WDR47: variants seen among roughly 807,000 people sequenced by gnomAD.
The protein encoded by WDR47 is WD repeat-containing protein 47.
In WDR47, 32 loss-of-function variants were observed where a neutral mutation model predicts 97.2. That is an observed-to-expected ratio of 0.33 (90% confidence interval 0.25 to 0.44). The LOEUF is 0.44. WDR47 is among the 20% of genes least tolerant of loss of function. The pLI is 1.00. For synonymous variants in WDR47, 375 were observed against 373.5 expected, an observed-to-expected ratio of 1.00 and a Z score of -0.05; for missense variants, 782 against 1,102.3, an observed-to-expected ratio of 0.71 and a Z score of 4.11.
intron 9 of WDR47, 161 bp from the exon 10 acceptor site, chr1:108,986,841 T>C (rs1202554391): frequency 1.2e-5 from 7 of 601,758 alleles, no homozygotes; most frequent in Non-Finnish European, 1.9e-5. Context: ...TTTTCTTACT[T>C]TATTAAATCT....
At chr1:109,009,221 T>G (rs1660858362) in intron 5 of WDR47, among the ~76,000 whole-genome samples, 1 of 152,350 alleles carries the variant, frequency 6.6e-6, no homozygotes, top group East Asian at 1.9e-4. Context: ...TGAAATAAAT[T>G]TATTGAAGTC....
intron 1 of WDR47, 150 bp from the exon 2 acceptor site, chr1:109,023,671 C>G: frequency 1.4e-6 from 1 of 720,742 alleles, no homozygotes. Flanking sequence ...AAAACCAAGT[C>G]GTTCTTTAAT....
intron 5 of WDR47, 26 bp downstream of exon 5, chr1:109,010,890 C>T (rs780954528): frequency 6.3e-7 from 1 of 1,581,834 alleles, no homozygotes; most frequent in Non-Finnish European, 8.6e-7. Flanking sequence ...CCTAAGATTT[C>T]CTAATTTTTA....
At chr1:109,019,018 T>C (rs1661626116) in intron 2 of WDR47, among the ~76,000 whole-genome samples, 2 of 151,540 alleles carry the variant, frequency 1.3e-5, no homozygotes, top group African/African-American at 4.8e-5. Context: ...GCAGTGACCA[T>C]GATCATGCCA....
At chr1:109,014,772 G>A (rs919095643) in intron 3 of WDR47, among the ~76,000 whole-genome samples, 2 of 152,094 alleles carry the variant, frequency 1.3e-5, no homozygotes, top group Admixed American at 1.3e-4. Context: ...TTTCAGAGGG[G>A]AAGGGATAGC....
intron 3 of WDR47, 44 bp from the exon 4 acceptor site, chr1:109,013,969 T>C: frequency 7.1e-7 from 1 of 1,399,214 alleles, no homozygotes; most frequent in Non-Finnish European, 1.0e-6. Flanking sequence ...ATGTCTGATG[T>C]CAAATATACT....
rs1658839169 is a variant in WDR47, at chr1:108,986,599, C to A, written c.1849G>T (p.Ala617Ser). The change falls in exon 10 of 15, where the codon GCT becomes TCT. Residue 617 changes from alanine (A) to serine (S), a missense_variant. Ala to Ser is a moderately conservative substitution (Grantham distance 99). Transcript: ENST00000369962. ...GAACCAACAGCATATAAACCTCCAGCTGGATGAAAAGCCACTGCTCTAACA... is the reference window on the plus strand; with the variant it reads ...GAACCAACAGCATATAAACCTCCAGATGGATGAAAAGCCACTGCTCTAACA... ...QAVRAVAFHP[A>S]GGLYAVGSNS... The A allele has an allele frequency of 4.3e-6, 7 of 1,613,816 alleles. No homozygotes were observed. The highest frequency in any genetic ancestry group is 5.1e-6 in the Non-Finnish European group (6 of 1,179,826).
chr1:109,004,533 T>C (rs1660443975), intron 6 of WDR47, 59 bp downstream of exon 6: 4 of 1,507,496 alleles, frequency 2.7e-6, no homozygotes, highest in Non-Finnish European at 3.6e-6. Context: ...TCTAAGTAAA[T>C]TCTATTACTT....
chr1:108,981,905 A>G (rs1169951125), intron 12 of WDR47, 41 bp from the exon 13 acceptor site: 1 of 1,591,728 alleles, frequency 6.3e-7, no homozygotes, highest in Admixed American at 1.7e-5. Context: ...GTGGGAGAGT[A>G]TCTTTCCATA....
chr1:109,017,628 C>T, intron 2 of WDR47, 27 bp from the exon 3 acceptor site: 1 of 1,579,052 alleles, frequency 6.3e-7, no homozygotes, highest in Non-Finnish European at 8.6e-7. Context: ...AAAAAACCAG[C>T]ATGTCACCAA....
chr1:109,002,547 A>G (rs1219536698), intron 6 of WDR47, 145 bp from the exon 7 acceptor site: 2 of 713,860 alleles, frequency 2.8e-6, no homozygotes, highest in South Asian at 2.9e-5. Flanking sequence ...CTCTTTGAAA[A>G]ACAGTATGTG....
Position 108,995,753 on chromosome 1 carries a change from C to T in WDR47, c.1518G>A (p.Gly506=). ...AACCATTAGATCCATTGCCTTTGCT[C>T]CCATTACATTGCTGGTTGAGTGCTG... ...EVSALNQQCN[G]SKGNGSNGSS... Residue 506 remains glycine, a synonymous_variant, in exon 8 of 15, where the codon GGG becomes GGA. Transcript: ENST00000369962. 2 of 1,614,086 alleles carry T rather than the reference C, an allele frequency of 1.2e-6. No homozygotes were observed. The highest frequency in any genetic ancestry group is 1.3e-5 in the African/African-American group (1 of 75,024).
intron 5 of WDR47, among the ~76,000 whole-genome samples, chr1:109,010,578 ATTTTTTTTTT>A (rs199821610): frequency 2.0e-5 from 2 of 101,712 alleles, no homozygotes; most frequent in African/African-American, 7.7e-5. Context: ...AGATTTCCTA[ATTTTTTTTTT>A]TTTTTTTTTT....
chr1:108,981,986 G>T (rs772332354), intron 12 of WDR47, 122 bp from the exon 13 acceptor site: 2 of 1,104,380 alleles, frequency 1.8e-6, no homozygotes, highest in South Asian at 1.6e-5. Flanking sequence ...TACTCAGGAG[G>T]CTGAGGCAGG....
At chr1:109,040,263 A>T (rs181838750) in intron 1 of WDR47, among the ~76,000 whole-genome samples, 1 of 152,208 alleles carries the variant, frequency 6.6e-6, no homozygotes, top group Non-Finnish European at 1.5e-5. Flanking sequence ...GGAAAACTGC[A>T]CATCTTTTCA....
intron 3 of WDR47, among the ~76,000 whole-genome samples, chr1:109,014,753 A>T (rs1661295376): frequency 6.6e-6 from 1 of 152,132 alleles, no homozygotes. Flanking sequence ...AAGCTTTTTA[A>T]CAAGAGTTTT....
chr1:109,030,308 A>C (rs1662528712), intron 1 of WDR47: 21 of 1,218,478 alleles, frequency 1.7e-5, no homozygotes, highest in Non-Finnish European at 2.2e-5. Context: ...CTTCAGGAAG[A>C]AGCAGCACTA....
intron 14 of WDR47, among the ~76,000 whole-genome samples, chr1:108,973,395 T>C (rs1349337678): frequency 6.6e-6 from 1 of 152,246 alleles, no homozygotes; most frequent in Non-Finnish European, 1.5e-5. Flanking sequence ...TTACTTTTTA[T>C]TGACCTCTAA....
At chr1:108,978,376 G>A (rs968876814) in intron 13 of WDR47, among the ~76,000 whole-genome samples, 2 of 152,178 alleles carry the variant, frequency 1.3e-5, no homozygotes, top group Non-Finnish European at 1.5e-5. Context: ...CTACTCAGGA[G>A]GCTGAGGCAG....
Sources: gnomAD v4.1 joint callset for allele counts (sites outside exome capture counted in the v4.1 genomes callset) on GRCh38, gnomAD v4.1.1 for gene constraint, MANE v1.5 for transcripts, NCBI Gene and HGNC (gene_info 2026-07-23, HGNC 2026-07-21) for gene names.